The following FAXC variants were observed in gnomAD, a reference collection of about 807,000 sequenced individuals.
The protein encoded by FAXC is failed axon connections homolog, metaxin like GST domain containing.
Under a neutral mutation model 41.9 loss-of-function variants are expected in FAXC, and 10 were observed. That is an observed-to-expected ratio of 0.24 (90% CI 0.15 to 0.41). The LOEUF is 0.41. Among genes scored for constraint, FAXC ranks in the 10% least tolerant of loss-of-function variants. The probability of loss-of-function intolerance (pLI) is 1.00; values close to 1 mark genes in which losing one functional copy is unlikely to be tolerated. For synonymous variants in FAXC, 183 were observed against 183.8 expected (o/e 1.00, Z 0.03); for missense variants, 399 against 510.9 (o/e 0.78, Z 2.11).
rs560320615 is a variant in FAXC, at chr6:99,325,614, C to T, written c.600-1947G>A. Among the ~76,000 whole-genome samples the T allele has an allele frequency of 5.9e-5, 9 of 152,264 alleles. No homozygotes were observed. The East Asian group carries it at 7.7e-4, about 13-fold the overall frequency. On this transcript the variant is annotated intron_variant, in intron 3 of 5. Coordinates refer to ENST00000389677, the MANE Select transcript of FAXC (RefSeq NM_032511.4). ...AGTAAATTCTATATAGACATGGAAA[C>T]GAAATGCTTTCCTACTTGCTCCTTT...
rs1484778404 is a variant in FAXC at position 99,272,906 on chromosome 6, T to G, written c.*8258A>C. On this transcript the variant is annotated 3_prime_UTR_variant, in exon 6 of 6. Coordinates refer to ENST00000389677, the MANE Select transcript of FAXC (RefSeq NM_032511.4). ...GAGAAGTAAATTGGAAGAAAGACAT[T>G]CACAGAAAACTATTTCATATCCATT... The G allele has an allele frequency of 6.6e-6, 1 of 152,202 alleles. No homozygotes were observed. Among genetic ancestry groups the G allele is most frequent in the Non-Finnish European group, 1.5e-5 (1 of 68,028 alleles). 9.4% of individuals were successfully genotyped at this position (152,202 alleles called of 1,614,324 possible). A position where few individuals can be genotyped will look rare whatever the true frequency, so the allele number is the denominator to read the frequency against.
At chr6:99,311,168 C>T (rs372838933) in intron 4 of FAXC, among the ~76,000 whole-genome samples, 8 of 152,210 alleles carry the variant, frequency 5.3e-5, no homozygotes, top group Admixed American at 2.6e-4. Flanking sequence ...GCAGCCTAAA[C>T]ATAAATCACA....
rs1466086113 is a variant in FAXC at position 99,273,024 on chromosome 6, C to G, written c.*8140G>C. The G allele has an allele frequency of 2.6e-5, 4 of 152,192 alleles. No individual in the cohort carries two copies. In the South Asian group the frequency reaches 8.3e-4, roughly 32 times the overall value. 9.4% of individuals were successfully genotyped at this position (152,192 alleles called of 1,614,324 possible). On this transcript the variant is annotated 3_prime_UTR_variant, in exon 6 of 6. Transcript: ENST00000389677. ...ACAGTAGTCAACATAGTGCACAATTCAAATCTATCTTACAATCAAGTGTAC... is the reference window on the plus strand; with the variant it reads ...ACAGTAGTCAACATAGTGCACAATTGAAATCTATCTTACAATCAAGTGTAC...
chr6:99,334,867 G>C lies in FAXC; in HGVS notation c.403-1320C>G, dbSNP rs940351431. Among the ~76,000 whole-genome samples the C allele has an allele frequency of 3.3e-5, 5 of 152,194 alleles. No homozygotes were observed. In the East Asian group the frequency reaches 7.7e-4, roughly 23 times the overall value. ...CATCTAGCCACTGCCCACCTGCCCGGTCTCATTGGCTATCTAAGTCCCTCT... is the reference window on the plus strand; with the variant it reads ...CATCTAGCCACTGCCCACCTGCCCGCTCTCATTGGCTATCTAAGTCCCTCT... On this transcript the variant is annotated intron_variant, in intron 2 of 5. Coordinates refer to ENST00000389677, the MANE Select transcript of FAXC (RefSeq NM_032511.4).
At position 99,341,153 on chromosome 6, in the gene FAXC, C is replaced by T. The variant is rs927689283; in HGVS notation, c.402+1745G>A. On this transcript the variant is annotated intron_variant, in intron 2 of 5. Coordinates refer to ENST00000389677, the MANE Select transcript of FAXC (RefSeq NM_032511.4). ...ACACAAATTTGGGTCTTAAGAGTAA[C>T]TACAATAACAACAAAAATATAATTT... Among the ~76,000 whole-genome samples the T allele has an allele frequency of 3.3e-5, 5 of 151,700 alleles. No homozygotes were observed. The South Asian group carries it at 1.0e-3, about 32-fold the overall frequency.
At chr6:99,301,322 A>G (rs1771697461) in intron 4 of FAXC, among the ~76,000 whole-genome samples, 1 of 152,004 alleles carries the variant, frequency 6.6e-6, no homozygotes, top group Admixed American at 6.6e-5. Flanking sequence ...TCTATCTTCT[A>G]CTCTGTGGGA....
At chr6:99,337,277 G>A (rs1448255930) in intron 2 of FAXC, among the ~76,000 whole-genome samples, 1 of 151,842 alleles carries the variant, frequency 6.6e-6, no homozygotes, top group Non-Finnish European at 1.5e-5. Flanking sequence ...AGAGGCAGGA[G>A]GGGAGACAAG....
chr6:99,324,130 T>C (rs1226426041), intron 3 of FAXC, among the ~76,000 whole-genome samples: 6 of 151,926 alleles, frequency 3.9e-5, no homozygotes, highest in Non-Finnish European at 8.8e-5. Flanking sequence ...TGGTGTTCAT[T>C]AATTAAGCTG....
At chr6:99,329,598 AC>A (rs560356403) in intron 3 of FAXC, among the ~76,000 whole-genome samples, 21 of 152,238 alleles carry the variant, frequency 1.4e-4, no homozygotes, top group African/African-American at 4.3e-4. Flanking sequence ...ACCAAGTTTC[AC>A]AAGCATTACA....
intron 4 of FAXC, among the ~76,000 whole-genome samples, chr6:99,313,275 AGAGT>A (rs1163456018): frequency 1.3e-5 from 2 of 152,256 alleles, no homozygotes; most frequent in Admixed American, 6.5e-5. Flanking sequence ...CCTGGGCAAC[AGAGT>A]GAGACCTTGT....
At chr6:99,348,746 C>T (rs1255663012) in intron 1 of FAXC, among the ~76,000 whole-genome samples, 2 of 152,212 alleles carry the variant, frequency 1.3e-5, no homozygotes, top group East Asian at 3.8e-4. Context: ...AGCATTATTA[C>T]TTATAAACAA....
rs1458075788 is a variant in FAXC at position 99,272,959 on chromosome 6, T to C, written c.*8205A>G. The C allele has an allele frequency of 2.6e-5, 4 of 152,216 alleles. No individual in the cohort carries two copies. The highest frequency in any genetic ancestry group is 4.8e-5 in the African/African-American group (2 of 41,440). The allele number at this position is 152,216 out of a possible 1,614,324, so 9.4% of individuals were successfully genotyped here. ...TTATCATTTACACATCAAATACATA[T>C]AGCATTAAGACCAAATATACAGAAT... On this transcript the variant is annotated 3_prime_UTR_variant, in exon 6 of 6. Coordinates refer to ENST00000389677, the MANE Select transcript of FAXC (RefSeq NM_032511.4).
In FAXC at chr6:99,291,784, G is replaced by T. The variant is rs1771254249; in HGVS notation, c.860C>A (p.Thr287Asn). 6.2e-7 allele frequency: 1 copy of T among 1,614,010 alleles called. No homozygotes were observed. The highest frequency in any genetic ancestry group is 1.1e-5 in the South Asian group (1 of 91,078). The change falls in exon 5 of 6, where the codon ACT (threonine) becomes AAT (asparagine). Residue 287 changes from threonine (T) to asparagine (N), a missense_variant. Physicochemically the swap from Thr to Asn is moderately conservative, Grantham distance 65 (BLOSUM62 0). Transcript: ENST00000389677. ...KKYIMGPKLS[T>N]LDATVFGHLA... is the part of the protein sequence containing the mutation. ...GTGTCCAAAGACAGTGGCGTCAAGA[G>T]TGGAAAGCTTGGGCCCCATGATGTA...
rs138153305 is a variant in FAXC at position 99,281,284 on chromosome 6, A to G, written c.1110T>C (p.Phe370=). The part of the protein sequence containing the change: ...DFSFYSRTET[F]EDEGAENSFS... The stretch of plus-strand genomic sequence containing the variant: ...AACTGTTTTCTGCTCCCTCATCTTC[A>G]AAGGTCTCTGTCCTTGAGTAAAAGC... The change falls in exon 6 of 6, where the codon TTT becomes TTC. Residue 370 remains phenylalanine, a synonymous_variant. Coordinates refer to ENST00000389677, the MANE Select transcript of FAXC (RefSeq NM_032511.4). The G allele has an allele frequency of 8.1e-6, 13 of 1,614,040 alleles. No individual in the cohort carries two copies. Among genetic ancestry groups the G allele is most frequent in the African/African-American group, 2.7e-5 (2 of 74,910 alleles).
chr6:99,294,630 G>A (rs538104460), intron 4 of FAXC, among the ~76,000 whole-genome samples: 1 of 152,240 alleles, frequency 6.6e-6, no homozygotes, highest in Non-Finnish European at 1.5e-5. Flanking sequence ...AAAAAGAGGG[G>A]GAGGGGGAGA....
rs1246295558 is a variant in FAXC at position 99,302,525 on chromosome 6, G to A, written c.824-10705C>T. 5.3e-5 allele frequency among the ~76,000 whole-genome samples: 8 copies of A among 152,128 alleles called. No homozygotes were observed. In the East Asian group the frequency reaches 5.8e-4, roughly 11 times the overall value. On this transcript the variant is annotated intron_variant, in intron 4 of 5. Transcript: ENST00000389677. ...ACAAAAATTAGCTGGGCGTGGTGGC[G>A]CATGCCTGTGGTCCCAGCTACTCAG... is the stretch of plus-strand genomic sequence containing the variant.
chr6:99,311,379 A>G (rs1198933833), intron 4 of FAXC, among the ~76,000 whole-genome samples: 1 of 152,192 alleles, frequency 6.6e-6, no homozygotes, highest in African/African-American at 2.4e-5. Context: ...GTTCGAGACC[A>G]GCCTGGCCAA....
At chr6:99,322,496 G>A (rs1772630161) in intron 4 of FAXC, among the ~76,000 whole-genome samples, 1 of 152,166 alleles carries the variant, frequency 6.6e-6, no homozygotes, top group Admixed American at 6.5e-5. Context: ...GCTCTAGAAT[G>A]AGGATGAGGG....
At chr6:99,318,441 C>A (rs1025093541) in intron 4 of FAXC, among the ~76,000 whole-genome samples, 4 of 152,078 alleles carry the variant, frequency 2.6e-5, no homozygotes, top group African/African-American at 2.4e-5. Flanking sequence ...ATTACAGCAA[C>A]AAGAAGTGAG....
Sources: gnomAD v4.1 joint callset for allele counts (sites outside exome capture counted in the v4.1 genomes callset) on GRCh38, gnomAD v4.1.1 for gene constraint, MANE v1.5 for transcripts, NCBI Gene and HGNC (gene_info 2026-07-23, HGNC 2026-07-21) for gene names.